The following DCC variants were observed in gnomAD, a reference collection of about 807,000 sequenced individuals.
The protein encoded by DCC is netrin receptor DCC.
DCC carries 58 observed loss-of-function variants against 172.5 expected under a neutral mutation model. That is an observed-to-expected ratio of 0.34 (90% CI 0.27 to 0.42). The LOEUF (loss-of-function observed/expected upper bound fraction) is 0.42. Among genes scored for constraint, DCC ranks in the 10% least tolerant of loss-of-function variants. The probability of loss-of-function intolerance (pLI) is 1.00; values close to 1 mark genes in which losing one functional copy is unlikely to be tolerated. For missense variants in DCC, 1,740 were observed against 1,791.0 expected (o/e 0.97, Z 0.51); for synonymous variants, 709 against 644.5 (o/e 1.10, Z -1.52).
In DCC at chr18:53,399,645, C is replaced by CAAGATATTAATTAAGGGTTTTTAATAA. The variant is rs1909182926; in HGVS notation, c.2827+2199_2827+2200insAAGATATTAATTAAGGGTTTTTAATAA. Among the ~76,000 whole-genome samples the CAAGATATTAATTAAGGGTTTTTAATAA allele has an allele frequency of 6.7e-3, 5 of 744 alleles. 2 individuals are homozygous for CAAGATATTAATTAAGGGTTTTTAATAA. The highest frequency in any genetic ancestry group is 0.5 in the Admixed American group (2 of 4). 0.5% of individuals were successfully genotyped at this position (744 alleles called of 152,430 possible). A position where few individuals can be genotyped will look rare whatever the true frequency, so the allele number is the denominator to read the frequency against. On this transcript the variant is annotated intron_variant, in intron 18 of 28. Coordinates refer to ENST00000442544, the MANE Select transcript of DCC (RefSeq NM_005215.4). ...GGGGGCCGGGCGCGGTGGCTCACGC[C>CAAGATATTAATTAAGGGTTTTTAATAA]TGTAATCCCAGCACTTTGGGAGGCC...
At chr18:52,470,787 T>C (rs960007715) in intron 1 of DCC, among the ~76,000 whole-genome samples, 1 of 152,218 alleles carries the variant, frequency 6.6e-6, no homozygotes, top group Admixed American at 6.5e-5. Context: ...ATGAATCATC[T>C]GTTGATCTTT....
chr18:52,913,495 C>T (rs936623460), intron 3 of DCC, among the ~76,000 whole-genome samples: 2 of 151,858 alleles, frequency 1.3e-5, no homozygotes, highest in Non-Finnish European at 2.9e-5. Context: ...GCAAATCAAC[C>T]AGTTTTTTTT....
chr18:53,227,828 T>A (rs1244873410), intron 12 of DCC, among the ~76,000 whole-genome samples: 27 of 152,186 alleles, frequency 1.8e-4, no homozygotes, highest in Non-Finnish European at 2.9e-5. Context: ...CAGAGGAGTC[T>A]ACTTGACAGA....
chr18:52,395,957 C>G (rs1986209992), intron 1 of DCC, among the ~76,000 whole-genome samples: 1 of 152,018 alleles, frequency 6.6e-6, no homozygotes, highest in African/African-American at 2.4e-5. Flanking sequence ...TCACATAAGT[C>G]AGGATATACC....
chr18:53,101,803 C>CTG (rs140007932), intron 7 of DCC, among the ~76,000 whole-genome samples: 17,466 of 141,422 alleles, frequency 0.12, 1,094 homozygotes, highest in Non-Finnish European at 0.14. Context: ...TACCACTGGG[C>CTG]TGTGTGTGTG....
intron 5 of DCC, among the ~76,000 whole-genome samples, chr18:53,062,989 G>GT (rs2144079267): frequency 6.6e-6 from 1 of 151,722 alleles, no homozygotes; most frequent in Non-Finnish European, 1.5e-5. Flanking sequence ...GTACTTTTCA[G>GT]TGTGTAAGTC....
At chr18:52,653,326 A>G (rs1170194145) in intron 1 of DCC, among the ~76,000 whole-genome samples, 2 of 152,160 alleles carry the variant, frequency 1.3e-5, no homozygotes, top group Admixed American at 1.3e-4. Context: ...TTTTGCTTAT[A>G]TTATCCTTTT....
At chr18:52,914,713 G>GGT (rs2040016540) in intron 3 of DCC, among the ~76,000 whole-genome samples, 1 of 152,128 alleles carries the variant, frequency 6.6e-6, no homozygotes, top group Non-Finnish European at 1.5e-5. Flanking sequence ...AGTACCTACT[G>GGT]GTGTTTGAAG....
rs554753382 is a variant in DCC, at chr18:52,537,987, A to G, written c.91+197109A>G. ...ATGTTACACTTTTTGTTTAGGCTCT[A>G]GCTGTGGCTACCTAACAGAACTTCC... On this transcript the variant is annotated intron_variant, in intron 1 of 28. Coordinates refer to ENST00000442544, the MANE Select transcript of DCC (RefSeq NM_005215.4). Among the ~76,000 whole-genome samples, 104 of 152,310 alleles carry G rather than the reference A, an allele frequency of 6.8e-4. 1 individual carries two copies. The highest frequency in any genetic ancestry group is 3.0e-3 in the Admixed American group (46 of 15,296).
At chr18:53,200,798 A>G (rs1380777180) in intron 9 of DCC, among the ~76,000 whole-genome samples, 1 of 152,140 alleles carries the variant, frequency 6.6e-6, no homozygotes, top group East Asian at 1.9e-4. Flanking sequence ...TCCAGACCAT[A>G]CACAGCCCCT....
In DCC at chr18:53,438,013, T is replaced by C. The variant is rs376498353; in HGVS notation, c.3229+2804T>C. Reference sequence around the variant, plus strand: ...GGTAAAAAAAGGAAGTTGCTGAAATTGGGAGAAACATAATTGTTGTATTTT... The same window carrying C: ...GGTAAAAAAAGGAAGTTGCTGAAATCGGGAGAAACATAATTGTTGTATTTT... On this transcript the variant is annotated intron_variant, in intron 22 of 28. Coordinates refer to ENST00000442544, the MANE Select transcript of DCC (RefSeq NM_005215.4). Among the ~76,000 whole-genome samples the C allele has an allele frequency of 9.2e-5, 14 of 152,300 alleles. No individual in the cohort carries two copies. The East Asian group carries it at 2.1e-3, about 23-fold the overall frequency.
intron 1 of DCC, among the ~76,000 whole-genome samples, chr18:52,713,359 G>T (rs2036326936): frequency 6.6e-6 from 1 of 152,196 alleles, no homozygotes; most frequent in Non-Finnish European, 1.5e-5. Flanking sequence ...GGGAACCAGT[G>T]ACCTGTTCAA....
intron 23 of DCC, among the ~76,000 whole-genome samples, chr18:53,454,923 T>A (rs1232853178): frequency 1.4e-4 from 22 of 152,216 alleles, no homozygotes; most frequent in Admixed American, 1.2e-3. Flanking sequence ...TGAGATATAT[T>A]TGAGTATCTG....
intron 1 of DCC, among the ~76,000 whole-genome samples, chr18:52,676,804 T>C (rs2035653484): frequency 6.6e-6 from 1 of 152,168 alleles, no homozygotes; most frequent in Non-Finnish European, 1.5e-5. Context: ...TCACACAGCT[T>C]AGGAGGTAAA....
At chr18:53,090,814 C>T (rs956776652) in intron 7 of DCC, among the ~76,000 whole-genome samples, 2 of 142,702 alleles carry the variant, frequency 1.4e-5, no homozygotes, top group African/African-American at 5.2e-5. Flanking sequence ...TTTCAAAGTT[C>T]AACTAGAATG....
At chr18:52,580,315 T>G (rs2033514868) in intron 1 of DCC, among the ~76,000 whole-genome samples, 1 of 152,184 alleles carries the variant, frequency 6.6e-6, no homozygotes, top group Admixed American at 6.5e-5. Flanking sequence ...TGGAGTGCAG[T>G]GGCGCGATCT....
intron 1 of DCC, among the ~76,000 whole-genome samples, chr18:52,560,275 T>G (rs2033006758): frequency 6.6e-6 from 1 of 152,230 alleles, no homozygotes; most frequent in African/African-American, 2.4e-5. Flanking sequence ...CAATAAAACT[T>G]TATTTATGGA....
At chr18:53,248,439 C>T (rs1012411552) in intron 12 of DCC, among the ~76,000 whole-genome samples, 8 of 151,996 alleles carry the variant, frequency 5.3e-5, no homozygotes, top group Non-Finnish European at 1.2e-4. Flanking sequence ...TGGAAAACCA[C>T]TTTCACTCTC....
intron 2 of DCC, among the ~76,000 whole-genome samples, chr18:52,780,065 A>C (rs889068785): frequency 6.6e-6 from 1 of 152,056 alleles, no homozygotes; most frequent in East Asian, 1.9e-4. Flanking sequence ...GTGGCCTTTT[A>C]TACCTTTATT....
Sources: allele counts gnomAD v4.1 joint callset (sites outside exome capture counted in the v4.1 genomes callset), GRCh38; gene constraint gnomAD v4.1.1; transcripts MANE v1.5; gene names NCBI Gene and HGNC (gene_info 2026-07-23, HGNC 2026-07-21).